The following TMEM163 variants were observed in gnomAD, a reference collection of about 807,000 sequenced individuals.
TMEM163 encodes transmembrane protein 163.
A neutral mutation model predicts 29.3 loss-of-function variants in TMEM163; 17 were observed. The ratio of observed to expected loss-of-function variants is 0.58; its 90% CI spans 0.40 to 0.87. The LOEUF is 0.87. TMEM163 is among the 40% of genes least tolerant of loss of function. TMEM163 has a pLI of 0.00. For missense variants in TMEM163, 303 were observed against 381.5 expected (o/e 0.79, Z 1.71); for synonymous variants, 157 against 160.6 (o/e 0.98, Z 0.17).
chr2:134,682,796 T>A (rs559463500), intron 2 of TMEM163, among the ~76,000 whole-genome samples: 1 of 152,334 alleles, frequency 6.6e-6, no homozygotes, highest in South Asian at 2.1e-4. Context: ...TGAAAATTTA[T>A]GTCCATACAA....
At chr2:134,661,247 C>G (rs1181981953) in intron 2 of TMEM163, among the ~76,000 whole-genome samples, 4 of 152,074 alleles carry the variant, frequency 2.6e-5, no homozygotes. Context: ...GCAAGAGGTC[C>G]TTCGCCAGAT....
At chr2:134,683,240 T>C (rs1267945726) in intron 2 of TMEM163, among the ~76,000 whole-genome samples, 4 of 152,098 alleles carry the variant, frequency 2.6e-5, no homozygotes, top group African/African-American at 9.7e-5. Flanking sequence ...ATGTAAATAA[T>C]GGACTTTGGG....
intron 2 of TMEM163, among the ~76,000 whole-genome samples, chr2:134,669,457 C>A (rs1683943609): frequency 6.6e-6 from 1 of 152,212 alleles, no homozygotes; most frequent in Non-Finnish European, 1.5e-5. Flanking sequence ...TTCTCTAACA[C>A]CCTCATTCCA....
At chr2:134,709,752 T>G (rs1684887704) in intron 2 of TMEM163, among the ~76,000 whole-genome samples, 1 of 152,202 alleles carries the variant, frequency 6.6e-6, no homozygotes, top group African/African-American at 2.4e-5. Context: ...TGGAGGTGCC[T>G]CACTGTACCC....
At chr2:134,656,568 C>T (rs955671595) in intron 2 of TMEM163, among the ~76,000 whole-genome samples, 1 of 152,218 alleles carries the variant, frequency 6.6e-6, no homozygotes, top group African/African-American at 2.4e-5. Context: ...ATCTTGGCTC[C>T]TCCCCCCGCC....
At chr2:134,468,830 T>G (rs1686727321) in intron 5 of TMEM163, 1 of 152,206 alleles carries the variant, frequency 6.6e-6, no homozygotes, top group Admixed American at 6.5e-5. Context: ...TAAAGGGAGC[T>G]GCAGACCCAG....
chr2:134,682,569 C>G (rs536899438), intron 2 of TMEM163, among the ~76,000 whole-genome samples: 119 of 152,324 alleles, frequency 7.8e-4, no homozygotes, highest in African/African-American at 2.8e-3. Context: ...CTCACACTTA[C>G]AAATATAATT....
intron 2 of TMEM163, among the ~76,000 whole-genome samples, chr2:134,625,049 T>G (rs1043335149): frequency 2.6e-5 from 4 of 152,230 alleles, no homozygotes; most frequent in Non-Finnish European, 5.9e-5. Flanking sequence ...AAATTAACTC[T>G]TTGAACTTAT....
chr2:134,559,996 C>A lies in TMEM163; in HGVS notation c.323-7905G>T, dbSNP rs1192877931. On this transcript the variant is annotated intron_variant, in intron 2 of 7. Coordinates refer to ENST00000281924, the MANE Select transcript of TMEM163 (RefSeq NM_030923.5). Reference sequence around the variant, plus strand: ...CTCTTCTGCGGCCCACACCTGCTCACTGCACTCCAGCCACATGGGGCTCCT... The same window carrying A: ...CTCTTCTGCGGCCCACACCTGCTCAATGCACTCCAGCCACATGGGGCTCCT... 2.6e-5 allele frequency among the ~76,000 whole-genome samples: 4 copies of A among 152,168 alleles called. No homozygotes were observed. The South Asian group carries it at 8.3e-4, about 32-fold the overall frequency.
At chr2:134,593,133 C>T (rs1450658722) in intron 2 of TMEM163, among the ~76,000 whole-genome samples, 2 of 152,252 alleles carry the variant, frequency 1.3e-5, no homozygotes, top group East Asian at 3.9e-4. Context: ...GAGAGAAATC[C>T]ATGTGAACTG....
At chr2:134,507,265 G>A (rs1282380935) in intron 4 of TMEM163, among the ~76,000 whole-genome samples, 1 of 152,004 alleles carries the variant, frequency 6.6e-6, no homozygotes, top group East Asian at 1.9e-4. Flanking sequence ...GAACCTGGGA[G>A]GAGGTGGTTG....
rs979283632 is a variant in TMEM163 at position 134,631,729 on chromosome 2, T to A, written c.323-79638A>T. ...CAATAATATTTTAGCTCAAAATAAA[T>A]GTTACCAAAGGCATATTTTGAAGAA... is the stretch of plus-strand genomic sequence containing the variant. On this transcript the variant is annotated intron_variant, in intron 2 of 7. Coordinates refer to ENST00000281924, the MANE Select transcript of TMEM163 (RefSeq NM_030923.5). 7.4e-4 allele frequency among the ~76,000 whole-genome samples: 112 copies of A among 152,338 alleles called. 1 individual carries two copies. Among genetic ancestry groups the A allele is most frequent in the Admixed American group, 2.7e-3 (42 of 15,308 alleles).
rs139122224 is a variant in TMEM163 at position 134,521,146 on chromosome 2, A to C, written c.459-18149T>G. Among the ~76,000 whole-genome samples, 965 of 152,176 alleles carry C rather than the reference A, an allele frequency of 6.3e-3. 10 individuals carry two copies. The highest frequency in any genetic ancestry group is 0.022 in the African/African-American group (900 of 41,526). ...CCTGAGTAGCTGGGACTGCAGGCGC[A>C]TGCCACCATGCCCAATTAGTTTTTG... is the stretch of plus-strand genomic sequence containing the variant. On this transcript the variant is annotated intron_variant, in intron 4 of 7. Transcript: ENST00000281924.
chr2:134,470,369 A>C (rs1403793327), intron 5 of TMEM163, among the ~76,000 whole-genome samples: 1 of 152,020 alleles, frequency 6.6e-6, no homozygotes, highest in African/African-American at 2.4e-5. Flanking sequence ...AAAAAAAAAA[A>C]AAAACTTCAT....
chr2:134,700,760 G>A (rs1048361939), intron 2 of TMEM163, among the ~76,000 whole-genome samples: 3 of 151,948 alleles, frequency 2.0e-5, no homozygotes, highest in African/African-American at 7.3e-5. Flanking sequence ...TCAGCTGGGC[G>A]TGGTGTCAGG....
chr2:134,704,184 G>C (rs1684759010), intron 2 of TMEM163, among the ~76,000 whole-genome samples: 1 of 152,050 alleles, frequency 6.6e-6, no homozygotes, highest in African/African-American at 2.4e-5. Flanking sequence ...TCCAACCTAG[G>C]ACCATGTCCA....
chr2:134,621,291 T>C (rs1456330972), intron 2 of TMEM163, among the ~76,000 whole-genome samples: 1 of 152,204 alleles, frequency 6.6e-6, no homozygotes, highest in African/African-American at 2.4e-5. Context: ...CAATACTCAT[T>C]AGCATGGCTA....
chr2:134,609,896 C>T (rs568457475), intron 2 of TMEM163, among the ~76,000 whole-genome samples: 4 of 150,472 alleles, frequency 2.7e-5, no homozygotes, highest in Admixed American at 2.0e-4. Flanking sequence ...GGAGGACAGA[C>T]CCCGAGAACT....
intron 2 of TMEM163, among the ~76,000 whole-genome samples, chr2:134,665,385 C>T (rs1273904730): frequency 6.6e-6 from 1 of 152,148 alleles, no homozygotes; most frequent in Non-Finnish European, 1.5e-5. Context: ...TCTCATGAGA[C>T]TTATTCACTA....
Sources: allele counts gnomAD v4.1 joint callset (sites outside exome capture counted in the v4.1 genomes callset), GRCh38; gene constraint gnomAD v4.1.1; transcripts MANE v1.5; gene names NCBI Gene and HGNC (gene_info 2026-07-23, HGNC 2026-07-21).